UNC5D: variants seen among roughly 807,000 people sequenced by gnomAD.
UNC5D encodes unc-5 netrin receptor D.
In UNC5D, 39 loss-of-function variants were observed where a neutral mutation model predicts 105.4. That is an observed-to-expected ratio of 0.37 (90% CI 0.29 to 0.48). The LOEUF (loss-of-function observed/expected upper bound fraction) is 0.48, where lower values mean the gene tolerates loss of function less well. Among genes scored for constraint, UNC5D ranks in the 20% least tolerant of loss-of-function variants. The pLI is 0.98. For synonymous variants in UNC5D, 452 were observed against 450.4 expected, an observed-to-expected ratio of 1.00 and a Z score of -0.04; for missense variants, 991 against 1,202.4, an observed-to-expected ratio of 0.82 and a Z score of 2.60.
chr8:35,434,747 G>A (rs1485908449), intron 1 of UNC5D, among the ~76,000 whole-genome samples: 2 of 152,088 alleles, frequency 1.3e-5, no homozygotes, highest in African/African-American at 4.8e-5. Context: ...TTAAAAGCAA[G>A]TTAGGAGCGT....
chr8:35,627,835 G>A (rs1270581938), intron 4 of UNC5D, among the ~76,000 whole-genome samples: 1 of 152,152 alleles, frequency 6.6e-6, no homozygotes, highest in Non-Finnish European at 1.5e-5. Context: ...GCTGAGGCAG[G>A]AGGCTCTCTT....
At chr8:35,249,606 T>TA (rs1463591874) in intron 1 of UNC5D, among the ~76,000 whole-genome samples, 4 of 142,380 alleles carry the variant, frequency 2.8e-5, no homozygotes, top group Non-Finnish European at 4.6e-5. Context: ...AATAATAAAA[T>TA]AAATAAATAA....
At chr8:35,568,584 G>A (rs912700344) in intron 3 of UNC5D, among the ~76,000 whole-genome samples, 1 of 152,202 alleles carries the variant, frequency 6.6e-6, no homozygotes, top group Non-Finnish European at 1.5e-5. Context: ...AGCTACTTGA[G>A]AGGCTGAGGC....
At chr8:35,387,876 G>A (rs544482229) in intron 1 of UNC5D, among the ~76,000 whole-genome samples, 2 of 152,212 alleles carry the variant, frequency 1.3e-5, no homozygotes, top group East Asian at 3.9e-4. Context: ...TATTTATTTA[G>A]TATTATAGTG....
intron 1 of UNC5D, among the ~76,000 whole-genome samples, chr8:35,291,944 A>T (rs1010435697): frequency 6.6e-6 from 1 of 152,240 alleles, no homozygotes; most frequent in Admixed American, 6.5e-5. Context: ...GAGATTGTAC[A>T]GCCATGGAAA....
Position 35,516,840 on chromosome 8 carries a change from C to CT in UNC5D, c.104-32450dup, listed in dbSNP as rs1813131469. Among the ~76,000 whole-genome samples the CT allele has an allele frequency of 4.6e-5, 7 of 152,252 alleles. No homozygotes were observed. In the South Asian group the frequency reaches 1.5e-3, roughly 32 times the overall value. On this transcript the variant is annotated intron_variant, in intron 1 of 16. Coordinates refer to ENST00000404895, the MANE Select transcript of UNC5D (RefSeq NM_080872.4). ...GAATCCCAGGTTGAACATGCCACGT[C>CT]TTATTTTACTTCAGTGTCATTTTTA...
At chr8:35,514,296 C>T (rs1422577764) in intron 1 of UNC5D, among the ~76,000 whole-genome samples, 3 of 152,164 alleles carry the variant, frequency 2.0e-5, no homozygotes, top group Non-Finnish European at 4.4e-5. Context: ...TGTCAGCCTC[C>T]CATGCCATCA....
intron 1 of UNC5D, among the ~76,000 whole-genome samples, chr8:35,296,331 G>T (rs908424089): frequency 6.6e-6 from 1 of 152,060 alleles, no homozygotes; most frequent in Non-Finnish European, 1.5e-5. Flanking sequence ...GTTATCTTTT[G>T]TCCTCTTGAT....
chr8:35,743,198 G>A (rs563168556), intron 11 of UNC5D, among the ~76,000 whole-genome samples: 2 of 152,226 alleles, frequency 1.3e-5, no homozygotes, highest in South Asian at 4.2e-4. Flanking sequence ...CAGTCTACCT[G>A]CTGATTTCTT....
intron 1 of UNC5D, among the ~76,000 whole-genome samples, chr8:35,320,228 G>C (rs1286261993): frequency 1.3e-5 from 2 of 151,980 alleles, no homozygotes; most frequent in Non-Finnish European, 2.9e-5. Flanking sequence ...GGCAGTTCCA[G>C]GTTATAGGTG....
intron 9 of UNC5D, among the ~76,000 whole-genome samples, chr8:35,723,481 G>A (rs1402986237): frequency 5.3e-5 from 8 of 152,094 alleles, no homozygotes; most frequent in Non-Finnish European, 1.0e-4. Flanking sequence ...CATAGCTCAC[G>A]GAAGCCTCCC....
rs574687716 is a variant in UNC5D, at chr8:35,364,081, G to A, written c.103+128194G>A. The stretch of plus-strand genomic sequence containing the variant: ...CCAAGTAGCTAAGCTTGGGAGAACT[G>A]CTTGAACCCAGGAGGCAGAGGCTGC... On this transcript the variant is annotated intron_variant, in intron 1 of 16. Coordinates refer to ENST00000404895, the MANE Select transcript of UNC5D (RefSeq NM_080872.4). 2.0e-5 allele frequency among the ~76,000 whole-genome samples: 3 copies of A among 152,216 alleles called. 1 individual carries two copies. The East Asian group carries it at 5.8e-4, about 30-fold the overall frequency.
intron 14 of UNC5D, among the ~76,000 whole-genome samples, chr8:35,764,401 A>G (rs1203493222): frequency 6.6e-6 from 1 of 152,070 alleles, no homozygotes; most frequent in African/African-American, 2.4e-5. Context: ...GCAGAAAGAG[A>G]AGTGTAGGAG....
intron 1 of UNC5D, among the ~76,000 whole-genome samples, chr8:35,463,544 A>G (rs1049947318): frequency 3.3e-5 from 5 of 150,882 alleles, no homozygotes; most frequent in Admixed American, 6.7e-5. Flanking sequence ...TTATAATACT[A>G]TTGTTTGAAT....
chr8:35,327,212 A>G (rs1810233996), intron 1 of UNC5D, among the ~76,000 whole-genome samples: 1 of 152,230 alleles, frequency 6.6e-6, no homozygotes. Context: ...CATGTTTCCC[A>G]AAGGATATTT....
At chr8:35,410,308 TA>T (rs1022707991) in intron 1 of UNC5D, among the ~76,000 whole-genome samples, 2 of 151,698 alleles carry the variant, frequency 1.3e-5, no homozygotes, top group Admixed American at 6.6e-5. Context: ...CACATTACCT[TA>T]AAAAAAAGAA....
At chr8:35,445,444 A>G (rs1807715412) in intron 1 of UNC5D, among the ~76,000 whole-genome samples, 1 of 152,100 alleles carries the variant, frequency 6.6e-6, no homozygotes, top group Admixed American at 6.6e-5. Flanking sequence ...TTACTATGTC[A>G]TAAGTGTGCT....
chr8:35,423,560 A>G (rs1224602658), intron 1 of UNC5D, among the ~76,000 whole-genome samples: 1 of 152,190 alleles, frequency 6.6e-6, no homozygotes, highest in Non-Finnish European at 1.5e-5. Context: ...TCAGATTTTC[A>G]GTGTTTCGGT....
Position 35,525,447 on chromosome 8 carries a change from CTG to C in UNC5D, c.104-23844_104-23843del, listed in dbSNP as rs1813797990. On this transcript the variant is annotated intron_variant, in intron 1 of 16. Transcript: ENST00000404895. ...CTGGCCCTCTAGAGAGACACCAGCACTGATTGCATAGGCCTGGCTCAGCTTCT... is the reference window on the plus strand; with the variant it reads ...CTGGCCCTCTAGAGAGACACCAGCACATTGCATAGGCCTGGCTCAGCTTCT... The C allele has an allele frequency of 1.6e-5, 26 of 1,612,220 alleles. No homozygotes were observed. The South Asian group carries it at 2.7e-4, about 17-fold the overall frequency.
Sources: gnomAD v4.1 joint callset for allele counts (sites outside exome capture counted in the v4.1 genomes callset) on GRCh38, gnomAD v4.1.1 for gene constraint, MANE v1.5 for transcripts, NCBI Gene and HGNC (gene_info 2026-07-23, HGNC 2026-07-21) for gene names.